PARD3B: variants seen among roughly 807,000 people sequenced by gnomAD.
The protein encoded by PARD3B is partitioning defective 3 homolog B.
PARD3B carries 103 observed loss-of-function variants against 130.2 expected under a neutral mutation model. The ratio of observed to expected loss-of-function variants is 0.79; its 90% confidence interval spans 0.67 to 0.93. The LOEUF is 0.93. PARD3B is among the 40% of genes least tolerant of loss of function. The pLI is 0.00. For missense variants in PARD3B, 1,609 were observed against 1,499.2 expected (o/e 1.07, Z -1.21); for synonymous variants, 583 against 553.2 (o/e 1.05, Z -0.76).
At chr2:204,738,507 T>G (rs1462012854) in intron 2 of PARD3B, among the ~76,000 whole-genome samples, 1 of 152,210 alleles carries the variant, frequency 6.6e-6, no homozygotes, top group Non-Finnish European at 1.5e-5. Context: ...ACCACATAGC[T>G]TCTTAAAACA....
chr2:204,545,933 G>GT lies in PARD3B; in HGVS notation c.-66dup. On this transcript the variant is annotated 5_prime_UTR_variant, in exon 1 of 23. Transcript: ENST00000406610. ...CACCCGCCCCGGGCGTCCTCCGAGA[G>GT]TGGGGGCTGCGCCCGCGGGGTCAGA... 1.4e-6 allele frequency: 2 copies of GT among 1,455,184 alleles called. No individual in the cohort carries two copies. Among genetic ancestry groups the GT allele is most frequent in the South Asian group, 2.8e-5 (2 of 70,624 alleles). The allele number at this position is 1,455,184 out of a possible 1,614,324, so 90.1% of individuals were successfully genotyped here. A position where few individuals can be genotyped will look rare whatever the true frequency, so the allele number is the denominator to read the frequency against.
At chr2:204,779,632 T>C (rs2125449489) in intron 2 of PARD3B, among the ~76,000 whole-genome samples, 1 of 152,298 alleles carries the variant, frequency 6.6e-6, no homozygotes, top group East Asian at 1.9e-4. Flanking sequence ...CTTTTGTTAT[T>C]TCCTACCAAC....
intron 16 of PARD3B, among the ~76,000 whole-genome samples, chr2:205,277,099 G>A (rs988768528): frequency 6.6e-6 from 1 of 152,212 alleles, no homozygotes; most frequent in African/African-American, 2.4e-5. Flanking sequence ...CTAGGTTACA[G>A]TCAGGAAGGT....
In PARD3B at chr2:204,988,017, G is replaced by C. The variant is rs1285041210; in HGVS notation, c.394+22694G>C. On this transcript the variant is annotated intron_variant, in intron 3 of 22. Coordinates refer to ENST00000406610, the MANE Select transcript of PARD3B (RefSeq NM_001302769.2). Reference sequence around the variant, plus strand: ...TTAGATGAAAATATGGCAAAAGAGAGAGAGAGAGAAACACCTAGAGTCCAG... The same window carrying C: ...TTAGATGAAAATATGGCAAAAGAGACAGAGAGAGAAACACCTAGAGTCCAG... Among the ~76,000 whole-genome samples the C allele has an allele frequency of 3.3e-5, 5 of 152,078 alleles. No individual in the cohort carries two copies. In the East Asian group the frequency reaches 9.7e-4, roughly 30 times the overall value.
rs766625401 is a variant in PARD3B, at chr2:205,292,754, A to C, written c.2186-7776A>C. ...ATACAGTTGAATTTGGGTAAGATCAATTGTGTGTGATTAGACTTCACTTTG... is the reference window on the plus strand; with the variant it reads ...ATACAGTTGAATTTGGGTAAGATCACTTGTGTGTGATTAGACTTCACTTTG... On this transcript the variant is annotated intron_variant, in intron 16 of 22. Coordinates refer to ENST00000406610, the MANE Select transcript of PARD3B (RefSeq NM_001302769.2). This position sits in a 1 kb window ranked among gnomAD's most constrained non-coding sequence, Gnocchi z 5.3. Among the ~76,000 whole-genome samples the C allele has an allele frequency of 6.6e-6, 1 of 152,178 alleles. No homozygotes were observed. The highest frequency in any genetic ancestry group is 1.5e-5 in the Non-Finnish European group (1 of 68,034).
rs943743290 is a variant in PARD3B at position 205,146,069 on chromosome 2, GCACAT to G, written c.1435-12650_1435-12646del. Among the ~76,000 whole-genome samples the G allele has an allele frequency of 6.6e-6, 1 of 152,210 alleles. No individual in the cohort carries two copies. Among genetic ancestry groups the G allele is most frequent in the Non-Finnish European group, 1.5e-5 (1 of 68,036 alleles). ...TGACTGTCCATAGCGAAGGGCACCT[GCACAT>G]CAGTCGGTGCCACCCTTGCTTCCTG... On this transcript the variant is annotated intron_variant, in intron 10 of 22. Transcript: ENST00000406610. This position sits in a 1 kb window ranked among gnomAD's most constrained non-coding sequence, Gnocchi z 4.3.
intron 19 of PARD3B, among the ~76,000 whole-genome samples, chr2:205,411,275 T>G (rs1398708217): frequency 2.0e-5 from 3 of 152,168 alleles, no homozygotes; most frequent in Non-Finnish European, 2.9e-5. Context: ...TACAGATATT[T>G]TAGTAAGTCT....
intron 1 of PARD3B, among the ~76,000 whole-genome samples, chr2:204,578,623 T>G (rs2032388728): frequency 6.6e-6 from 1 of 152,084 alleles, no homozygotes; most frequent in South Asian, 2.1e-4. Context: ...AATATTTGGG[T>G]GCCTGATTTA....
chr2:205,391,583 C>T lies in PARD3B; in HGVS notation c.2631-9430C>T, dbSNP rs191368101. On this transcript the variant is annotated intron_variant, in intron 18 of 22. Transcript: ENST00000406610. Reference sequence around the variant, plus strand: ...TCTGTCCCAGAAATCGTAAGCATTTCATCTGAGTCACTAAGGCTCTTGACT... The same window carrying T: ...TCTGTCCCAGAAATCGTAAGCATTTTATCTGAGTCACTAAGGCTCTTGACT... Among the ~76,000 whole-genome samples the T allele has an allele frequency of 5.9e-5, 9 of 152,322 alleles. No homozygotes were observed. The East Asian group carries it at 1.3e-3, about 23-fold the overall frequency.
At chr2:204,581,861 C>A (rs1391703016) in intron 1 of PARD3B, among the ~76,000 whole-genome samples, 2 of 152,180 alleles carry the variant, frequency 1.3e-5, no homozygotes, top group African/African-American at 4.8e-5. Context: ...GTTGGACCCA[C>A]CCAAGTTCCA....
intron 19 of PARD3B, among the ~76,000 whole-genome samples, chr2:205,411,500 G>A (rs2046596885): frequency 6.6e-6 from 1 of 152,128 alleles, no homozygotes; most frequent in East Asian, 1.9e-4. Context: ...CTGTCTTTCA[G>A]ATTGTTGTGA....
At chr2:205,047,871 C>G (rs1011351252) in intron 4 of PARD3B, 181 bp downstream of exon 4, 3 of 470,748 alleles carry the variant, frequency 6.4e-6, no homozygotes, top group Non-Finnish European at 1.1e-5. Flanking sequence ...ATAGCGATAG[C>G]TATTACGTAT....
intron 1 of PARD3B, among the ~76,000 whole-genome samples, chr2:204,650,621 AT>A (rs971277382): frequency 1.3e-5 from 2 of 152,170 alleles, no homozygotes; most frequent in African/African-American, 4.8e-5. Context: ...GTAGGAGGCC[AT>A]TTTCCTTAGC....
intron 7 of PARD3B, 72 bp downstream of exon 7, chr2:205,119,118 A>T: frequency 2.0e-6 from 3 of 1,471,678 alleles, no homozygotes; most frequent in Non-Finnish European, 2.7e-6. Flanking sequence ...TGAACTCATT[A>T]TGATCAAAAT....
chr2:205,121,568 A>G lies in PARD3B; in HGVS notation c.807-23A>G. 1.3e-6 allele frequency: 2 copies of G among 1,599,802 alleles called. No individual in the cohort carries two copies. Among genetic ancestry groups the G allele is most frequent in the Non-Finnish European group, 1.7e-6 (2 of 1,168,968 alleles). On this transcript the variant is annotated intron_variant, in intron 7 of 22. Transcript: ENST00000406610. The surrounding 1 kb of genome is among the most constrained non-coding windows in gnomAD (Gnocchi z 5.0). ...CTGCACCTCAAAGCAGGGTCATCATACATTTATCAACTTTCTTTCCAGGGC... is the reference window on the plus strand; with the variant it reads ...CTGCACCTCAAAGCAGGGTCATCATGCATTTATCAACTTTCTTTCCAGGGC...
intron 22 of PARD3B, among the ~76,000 whole-genome samples, chr2:205,588,227 C>T (rs2054265255): frequency 6.6e-6 from 1 of 152,192 alleles, no homozygotes; most frequent in Non-Finnish European, 1.5e-5. Context: ...ATTGAAAGCA[C>T]ATTCTTTTTT....
intron 2 of PARD3B, among the ~76,000 whole-genome samples, chr2:204,877,832 C>T (rs2045900603): frequency 1.3e-5 from 2 of 152,116 alleles, no homozygotes; most frequent in South Asian, 4.1e-4. Flanking sequence ...TTGGCAATAC[C>T]AGTTAGGAGC....
At chr2:205,505,642 A>G (rs1322237866) in intron 21 of PARD3B, among the ~76,000 whole-genome samples, 4 of 152,262 alleles carry the variant, frequency 2.6e-5, no homozygotes, top group African/African-American at 2.4e-5. Flanking sequence ...AGAGGAAAAC[A>G]TAATACCTGT....
chr2:204,942,711 A>G lies in PARD3B; in HGVS notation c.223-22441A>G, dbSNP rs534288830. Among the ~76,000 whole-genome samples the G allele has an allele frequency of 7.6e-4, 116 of 152,284 alleles. 1 individual carries two copies. Among genetic ancestry groups the G allele is most frequent in the African/African-American group, 2.7e-3 (111 of 41,576 alleles). ...CAATCTTTTGTGTAGCAAATTTTCT[A>G]TGTTGTGTAGTAATGCAATTCAAGA... On this transcript the variant is annotated intron_variant, in intron 2 of 22. Transcript: ENST00000406610.
Sources: allele counts gnomAD v4.1 joint callset (sites outside exome capture counted in the v4.1 genomes callset), GRCh38; gene constraint gnomAD v4.1.1; non-coding constraint Gnocchi (gnomAD v3.1); transcripts MANE v1.5; gene names NCBI Gene and HGNC (gene_info 2026-07-23, HGNC 2026-07-21).